Variants in ACYP1 observed in about 807,000 individuals in gnomAD.
ACYP1 encodes the protein acylphosphatase 1, also known as acylphosphatase-1.
ACYP1 carries 8 observed loss-of-function variants against 10.4 expected under a neutral mutation model. That is an observed-to-expected ratio of 0.77 (90% CI 0.45 to 1.38). ACYP1 has a LOEUF of 1.38. Ranked by LOEUF, ACYP1 falls within the 40% of genes most tolerant of loss-of-function variation. The probability of loss-of-function intolerance (pLI) is 0.00; values close to 1 mark genes in which losing one functional copy is unlikely to be tolerated. For synonymous variants in ACYP1, 38 were observed against 40.8 expected, an observed-to-expected ratio of 0.93 and a Z score of 0.26; for missense variants, 93 against 117.3, an observed-to-expected ratio of 0.79 and a Z score of 0.96.
At chr14:75,069,474 T>C in exon 1 of ACYP1, 3 of 508,766 alleles carry the variant, frequency 5.9e-6, no homozygotes, top group South Asian at 3.1e-5. Flanking sequence ...AGCTGCAGAG[T>C]TGGCCGGACA....
chr14:75,061,148 T>G (rs183945698), intron 2 of ACYP1, among the ~76,000 whole-genome samples: 3 of 152,300 alleles, frequency 2.0e-5, no homozygotes, highest in African/African-American at 7.2e-5. Flanking sequence ...GGTTAGTGGT[T>G]GCCAGGGGCT....
chr14:75,054,084 C>A (rs1393351458), intron 2 of ACYP1, among the ~76,000 whole-genome samples: 1 of 152,198 alleles, frequency 6.6e-6, no homozygotes, highest in African/African-American at 2.4e-5. Context: ...CTTCCCTTTG[C>A]CTTTAACCAG....
chr14:75,061,595 T>C lies in ACYP1; in HGVS notation c.84+1875A>G, dbSNP rs185841717. On this transcript the variant is annotated intron_variant, in intron 2 of 2. Coordinates refer to ENST00000238618, the MANE Select transcript of ACYP1 (RefSeq NM_001107.5). ...GGGGCAGGTAGAGAAAGATGGGCTA[T>C]GCATACCACTATCTGACCCTTTTCC... The C allele has an allele frequency of 4.1e-4, 330 of 798,398 alleles. 1 individual carries two copies. In the African/African-American group the frequency reaches 5.1e-3, roughly 12 times the overall value. 49.5% of individuals were successfully genotyped at this position (798,398 alleles called of 1,614,324 possible). A position where few individuals can be genotyped will look rare whatever the true frequency, so the allele number is the denominator to read the frequency against.
At chr14:75,069,296 C>G (rs781070299) in exon 1 of ACYP1, 50 of 1,432,190 alleles carry the variant, frequency 3.5e-5, no homozygotes, top group South Asian at 2.9e-5. Context: ...CGGCATCCTG[C>G]GGCGGAAGCA....
intron 2 of ACYP1, among the ~76,000 whole-genome samples, chr14:75,056,518 C>T (rs1472029493): frequency 1.3e-5 from 2 of 150,908 alleles, no homozygotes; most frequent in East Asian, 3.9e-4. Flanking sequence ...CTTAACCTCC[C>T]AGGCTCAAAT....
At chr14:75,056,481 G>C (rs567647684) in intron 2 of ACYP1, among the ~76,000 whole-genome samples, 1 of 150,450 alleles carries the variant, frequency 6.6e-6, no homozygotes, top group Non-Finnish European at 1.5e-5. Flanking sequence ...TCTGAAGGAT[G>C]GTGGCACAGT....
Position 75,053,389 on chromosome 14 carries a change from TTAA to T in ACYP1, c.*52_*54del. 6.8e-7 allele frequency: 1 copy of T among 1,473,312 alleles called. No homozygotes were observed. Among genetic ancestry groups the T allele is most frequent in the Non-Finnish European group, 9.5e-7 (1 of 1,054,848 alleles). The allele number at this position is 1,473,312 out of a possible 1,614,324, so 91.3% of individuals were successfully genotyped here. A position where few individuals can be genotyped will look rare whatever the true frequency, so the allele number is the denominator to read the frequency against. On this transcript the variant is annotated 3_prime_UTR_variant, in exon 3 of 3. Coordinates refer to ENST00000238618, the MANE Select transcript of ACYP1 (RefSeq NM_001107.5). ...TTAACACACAATAGTTCTATCTCTA[TTAA>T]TAATAAAAACCAAACCACTGAGTTT...
upstream of ACYP1, among the ~76,000 whole-genome samples, chr14:75,067,182 TACACACAC>T (rs60274425): frequency 0.02 from 2,902 of 147,140 alleles, 54 homozygotes; most frequent in South Asian, 0.061. Flanking sequence ...TGTCTGGAAC[TACACACAC>T]ACACACACAC....
chr14:75,069,376 T>G, exon 1 of ACYP1: 1 of 1,110,908 alleles, frequency 9.0e-7, no homozygotes, highest in Non-Finnish European at 1.2e-6. Context: ...GGAGCGTCGT[T>G]CTCAGAAAAG....
upstream of ACYP1, among the ~76,000 whole-genome samples, chr14:75,068,629 C>T (rs1292695323): frequency 1.3e-5 from 2 of 151,398 alleles, no homozygotes; most frequent in East Asian, 1.9e-4. Context: ...AGTTGATAAT[C>T]GGGACCCTGA....
At chr14:75,063,930 C>T in intron 1 of ACYP1, 24 bp downstream of exon 1, 1 of 1,002,340 alleles carries the variant, frequency 1.0e-6, no homozygotes, top group Non-Finnish European at 1.2e-6. Context: ...GAGAAGCACA[C>T]CCTGGGGGCC....
In ACYP1 at chr14:75,060,395, A is replaced by G. The variant is rs557901829; in HGVS notation, c.84+3075T>C. ...CTCACACATTGCCAGTGAGAACATA[A>G]TATGGTATAGCTACTTTGGAAAAGT... On this transcript the variant is annotated intron_variant, in intron 2 of 2. Coordinates refer to ENST00000238618, the MANE Select transcript of ACYP1 (RefSeq NM_001107.5). The G allele has an allele frequency of 1.2e-3, 638 of 533,242 alleles. 2 individuals are homozygous for G. Among genetic ancestry groups the G allele is most frequent in the Non-Finnish European group, 1.8e-3 (544 of 302,276 alleles). The allele number at this position is 533,242 out of a possible 1,614,324, so 33.0% of individuals were successfully genotyped here. A position where few individuals can be genotyped will look rare whatever the true frequency, so the allele number is the denominator to read the frequency against.
upstream of ACYP1, among the ~76,000 whole-genome samples, chr14:75,066,383 TGGG>T (rs11336181): frequency 2.5e-4 from 38 of 151,236 alleles, no homozygotes; most frequent in African/African-American, 8.0e-4. Flanking sequence ...TTAATAAAGC[TGGG>T]GGGGGGTGGA....
intron 1 of ACYP1, 76 bp from the exon 2 acceptor site, chr14:75,063,637 C>G: frequency 1.7e-6 from 2 of 1,191,304 alleles, no homozygotes; most frequent in Non-Finnish European, 2.5e-6. Flanking sequence ...GAAAGGGCCA[C>G]ACCCACCCCT....
chr14:75,062,056 G>A (rs1418379881), intron 2 of ACYP1, among the ~76,000 whole-genome samples: 1 of 127,670 alleles, frequency 7.8e-6, no homozygotes, highest in Non-Finnish European at 1.6e-5. Context: ...AGCTGAGATC[G>A]TGCCATTGCA....
chr14:75,054,818 C>T (rs1594790891), intron 2 of ACYP1, among the ~76,000 whole-genome samples: 3 of 151,426 alleles, frequency 2.0e-5, no homozygotes, highest in African/African-American at 7.3e-5. Context: ...AGATGCCTAC[C>T]TGATGCGCTG....
At chr14:75,060,138 GT>G (rs1246807931) in intron 2 of ACYP1, 13 of 567,184 alleles carry the variant, frequency 2.3e-5, no homozygotes, top group Admixed American at 1.9e-4. Context: ...AGAAGTAAGT[GT>G]GCTATATGGT....
intron 1 of ACYP1, chr14:75,069,163 C>G: frequency 6.6e-7 from 1 of 1,504,714 alleles, no homozygotes; most frequent in Non-Finnish European, 8.8e-7. Context: ...CAGCAAGTTC[C>G]AAAGCCTTGG....
chr14:75,069,232 G>A (rs1364753166), exon 1 of ACYP1: 5 of 1,503,044 alleles, frequency 3.3e-6, no homozygotes, highest in South Asian at 1.2e-5. Context: ...CAGCGCAGCC[G>A]AGCGCGCGGA....
Sources: gnomAD v4.1 joint callset for allele counts (sites outside exome capture counted in the v4.1 genomes callset) on GRCh38, gnomAD v4.1.1 for gene constraint, MANE v1.5 for transcripts, NCBI Gene and HGNC (gene_info 2026-07-23, HGNC 2026-07-21) for gene names.